The following SNTA1 variants were observed in gnomAD, a reference collection of about 807,000 sequenced individuals.
SNTA1 encodes alpha-1-syntrophin.
In SNTA1, 31 loss-of-function variants were observed where a neutral mutation model predicts 47.1. That is an observed-to-expected ratio of 0.66 (90% CI 0.49 to 0.89). The LOEUF (loss-of-function observed/expected upper bound fraction) is 0.89. SNTA1 is among the 40% of genes least tolerant of loss of function. The probability of loss-of-function intolerance (pLI) is 0.00; values close to 1 mark genes in which losing one functional copy is unlikely to be tolerated. For missense variants in SNTA1, 575 were observed against 693.0 expected, an observed-to-expected ratio of 0.83 and a Z score of 1.91; for synonymous variants, 300 against 313.6, an observed-to-expected ratio of 0.96 and a Z score of 0.46.
chr20:33,418,503 C>G (rs1600845428), intron 2 of SNTA1, among the ~76,000 whole-genome samples: 2 of 152,046 alleles, frequency 1.3e-5, no homozygotes, highest in South Asian at 4.1e-4. Context: ...GGTTACAAGA[C>G]TTTCCCAGGC....
chr20:33,408,991 C>CCATCCCTGG, intron 6 of SNTA1, 103 bp from the exon 7 acceptor site: 2 of 1,019,056 alleles, frequency 2.0e-6, no homozygotes, highest in Non-Finnish European at 3.1e-6. Flanking sequence ...TGAATGCCTC[C>CCATCCCTGG]AGGGATGGGA....
Position 33,408,187 on chromosome 20 carries a change from G to C in SNTA1, c.*320C>G. 1 of 406,024 alleles carries C rather than the reference G, an allele frequency of 2.5e-6. No homozygotes were observed. The highest frequency in any genetic ancestry group is 7.7e-4 in the Middle Eastern group (1 of 1,294). The allele number at this position is 406,024 out of a possible 1,614,324, so 25.2% of individuals were successfully genotyped here. A position where few individuals can be genotyped will look rare whatever the true frequency, so the allele number is the denominator to read the frequency against. Reference sequence around the variant, plus strand: ...CTCGAGGAGGCCCGGCAGCTCAGCTGTTGGCTGGGGTCAGGATCCGCACAG... The same window carrying C: ...CTCGAGGAGGCCCGGCAGCTCAGCTCTTGGCTGGGGTCAGGATCCGCACAG... On this transcript the variant is annotated 3_prime_UTR_variant, in exon 8 of 8. Coordinates refer to ENST00000217381, the MANE Select transcript of SNTA1 (RefSeq NM_003098.3).
At position 33,417,827 on chromosome 20, in the gene SNTA1, T is replaced by C; in HGVS notation, c.593A>G (p.Gln198Arg). 6.2e-7 allele frequency: 1 copy of C among 1,613,962 alleles called. No individual in the cohort carries two copies. Among genetic ancestry groups the C allele is most frequent in the South Asian group, 1.1e-5 (1 of 91,070 alleles). The change falls in exon 3 of 8, where the codon CAG (glutamine) becomes CGG (arginine). Residue 198 changes from glutamine (Q) to arginine (R), a missense_variant. Physicochemically the swap from Gln to Arg is conservative, Grantham distance 43. Coordinates refer to ENST00000217381, the MANE Select transcript of SNTA1 (RefSeq NM_003098.3). ...GGGTGTGGGGCCAGGGGAGGAAGGC[T>C]GCCGCTGAAGGGGTGAGGCAGGAGG... Reference protein sequence around the residue: ...DSPPASPLQRQPSSPGPTPRN... With the variant: ...DSPPASPLQRRPSSPGPTPRN...
rs773473938 is a variant in SNTA1 at position 33,412,812 on chromosome 20, C to T, written c.702-30G>A. On this transcript the variant is annotated intron_variant, in intron 3 of 7. Transcript: ENST00000217381. ...AGGCACAAATGGGTGGAGACAAGGA[C>T]CTGACCATTAGGCTGCAGCTGCCCA... 12 of 1,512,538 alleles carry T rather than the reference C, an allele frequency of 7.9e-6. No homozygotes were observed. The East Asian group carries it at 2.8e-4, about 35-fold the overall frequency. 93.7% of individuals were successfully genotyped at this position (1,512,538 alleles called of 1,614,324 possible).
chr20:33,412,347 G>T lies in SNTA1; in HGVS notation c.989C>A (p.Thr330Asn). The T allele has an allele frequency of 6.2e-7, 1 of 1,611,968 alleles. No individual in the cohort carries two copies. The change falls in exon 5 of 8, where the codon ACC (threonine) becomes AAC (asparagine). Residue 330 changes from threonine (T) to asparagine (N), a missense_variant. Thr to Asn is a moderately conservative substitution (Grantham distance 65). Transcript: ENST00000217381. Reference protein sequence around the residue: ...ELLLYLSLPETREALSRPART... With the variant: ...ELLLYLSLPENREALSRPART... ...GGCTGGCCGGCTCAGGGCCTCGCGG[G>T]TCTCGGGGAGAGACAAGTAGAGGAG...
chr20:33,412,187 T>TG lies in SNTA1; in HGVS notation c.1040+108dup, dbSNP rs1045681335. The TG allele has an allele frequency of 4.0e-6, 5 of 1,247,022 alleles. No homozygotes were observed. In the Admixed American group the frequency reaches 1.2e-4, roughly 29 times the overall value. 77.2% of individuals were successfully genotyped at this position (1,247,022 alleles called of 1,614,324 possible). Reference sequence around the variant, plus strand: ...GGGCAGAGACTTGCTTCAGGTCACCTGGGGAATAGCTGAGGGTGGACAGGG... The same window carrying TG: ...GGGCAGAGACTTGCTTCAGGTCACCTGGGGGAATAGCTGAGGGTGGACAGGG... On this transcript the variant is annotated intron_variant, in intron 5 of 7. Coordinates refer to ENST00000217381, the MANE Select transcript of SNTA1 (RefSeq NM_003098.3).
At chr20:33,431,904 G>A (rs575835578) in intron 2 of SNTA1, among the ~76,000 whole-genome samples, 4 of 152,234 alleles carry the variant, frequency 2.6e-5, no homozygotes, top group East Asian at 1.9e-4. Flanking sequence ...CACACAGCTC[G>A]TCAGGGCCAG....
intron 3 of SNTA1, among the ~76,000 whole-genome samples, chr20:33,413,426 GCC>G (rs1466586273): frequency 2.0e-5 from 3 of 151,744 alleles, no homozygotes. Context: ...ACCGTGCCCA[GCC>G]TACACGTATG....
chr20:33,425,290 A>T (rs1027962016), intron 2 of SNTA1, among the ~76,000 whole-genome samples: 3 of 152,066 alleles, frequency 2.0e-5, no homozygotes, highest in African/African-American at 7.2e-5. Context: ...TACGTAAGTA[A>T]ATAAAAGAAA....
At position 33,408,903 on chromosome 20, in the gene SNTA1, C is replaced by T. The variant is rs929093379; in HGVS notation, c.1238-15G>A. 2 of 1,612,544 alleles carry T rather than the reference C, an allele frequency of 1.2e-6. No individual in the cohort carries two copies. The highest frequency in any genetic ancestry group is 3.3e-5 in the Admixed American group (2 of 59,990). ...CCACGTGCAGGCTGCAGGGAGGGCA[C>T]ATAGGTACAGGCACAGCTGGCACCT... On this transcript the variant is annotated splice_polypyrimidine_tract_variant and intron_variant, in intron 6 of 7. Coordinates refer to ENST00000217381, the MANE Select transcript of SNTA1 (RefSeq NM_003098.3).
intron 5 of SNTA1, among the ~76,000 whole-genome samples, chr20:33,411,822 C>T (rs1989747116): frequency 6.6e-6 from 1 of 152,190 alleles, no homozygotes; most frequent in Admixed American, 6.5e-5. Context: ...CCATGATGTT[C>T]TCTCTGCATG....
At chr20:33,436,759 G>A (rs896360431) in intron 2 of SNTA1, among the ~76,000 whole-genome samples, 1 of 151,758 alleles carries the variant, frequency 6.6e-6, no homozygotes, top group Non-Finnish European at 1.5e-5. Context: ...TCAGGAGTTC[G>A]AGACCAGCCT....
At chr20:33,418,257 CTTTTT>C (rs34434208) in intron 2 of SNTA1, among the ~76,000 whole-genome samples, 2 of 129,750 alleles carry the variant, frequency 1.5e-5, no homozygotes, top group African/African-American at 5.9e-5. Context: ...GGCCATGTGA[CTTTTT>C]TTTTTTTTTT....
Position 33,412,764 on chromosome 20 carries a change from C to A in SNTA1, c.720G>T (p.Ser240=). The change falls in exon 4 of 8, where the codon TCG becomes TCT. Residue 240 remains serine (S), a synonymous_variant. Transcript: ENST00000217381. ...DPEPRYLEIC[S]ADGQDTLFLR... ...GGAAGAGGGTGTCTTGACCATCTGC[C>A]GAGCAGATCTCCAGATACCTGCAGG... The A allele has an allele frequency of 3.1e-6, 5 of 1,611,246 alleles. No individual in the cohort carries two copies. Among genetic ancestry groups the A allele is most frequent in the Non-Finnish European group, 4.2e-6 (5 of 1,179,122 alleles).
chr20:33,432,989 G>C (rs1390277362), intron 2 of SNTA1, among the ~76,000 whole-genome samples: 1 of 152,068 alleles, frequency 6.6e-6, no homozygotes, highest in Non-Finnish European at 1.5e-5. Context: ...GAATGCAGTG[G>C]TGCAATCTTG....
At position 33,412,748 on chromosome 20, in the gene SNTA1, T is replaced by A; in HGVS notation, c.736A>T (p.Thr246Ser). 6.2e-7 allele frequency: 1 copy of A among 1,612,708 alleles called. No individual in the cohort carries two copies. Among genetic ancestry groups the A allele is most frequent in the East Asian group, 2.2e-5 (1 of 44,852 alleles). Residue 246 changes from threonine to serine, a missense_variant, in exon 4 of 8, where the codon ACC (threonine) becomes TCC (serine). Transcript: ENST00000217381. ...TCATCCTTGGCCCTCAGGAAGAGGG[T>A]GTCTTGACCATCTGCCGAGCAGATC... ...LEICSADGQD[T>S]LFLRAKDEAS... is the part of the protein sequence containing the mutation.
At position 33,427,188 on chromosome 20, in the gene SNTA1, T is replaced by G. The variant is rs557496951; in HGVS notation, c.497-9265A>C. On this transcript the variant is annotated intron_variant, in intron 2 of 7. Coordinates refer to ENST00000217381, the MANE Select transcript of SNTA1 (RefSeq NM_003098.3). The stretch of plus-strand genomic sequence containing the variant: ...TGGAGATAGCAGTGTGGTTATGATT[T>G]CTGCTGCTGTTCCTAGTGTGACAGT... Among the ~76,000 whole-genome samples, 14 of 152,290 alleles carry G rather than the reference T, an allele frequency of 9.2e-5. No homozygotes were observed. In the South Asian group the frequency reaches 2.7e-3, roughly 29 times the overall value.
At chr20:33,423,475 C>T (rs930532880) in intron 2 of SNTA1, among the ~76,000 whole-genome samples, 4 of 152,170 alleles carry the variant, frequency 2.6e-5, no homozygotes, top group African/African-American at 9.7e-5. Context: ...GTGCCCCCAC[C>T]CTCCCCAGCC....
chr20:33,422,254 C>A lies in SNTA1; in HGVS notation c.497-4331G>T, dbSNP rs572576783. The stretch of plus-strand genomic sequence containing the variant: ...AGGAGATCGAGACCATCTTGGCCAA[C>A]GTGGTGAAACCTCGTCTCTACTAAA... On this transcript the variant is annotated intron_variant, in intron 2 of 7. Transcript: ENST00000217381. Among the ~76,000 whole-genome samples the A allele has an allele frequency of 2.0e-5, 3 of 151,810 alleles. No individual in the cohort carries two copies. In the East Asian group the frequency reaches 5.9e-4, roughly 30 times the overall value.
Sources: gnomAD v4.1 joint callset for allele counts (sites outside exome capture counted in the v4.1 genomes callset) on GRCh38, gnomAD v4.1.1 for gene constraint, MANE v1.5 for transcripts, NCBI Gene and HGNC (gene_info 2026-07-23, HGNC 2026-07-21) for gene names.